The following MEGF6 variants were observed in gnomAD, a reference collection of about 807,000 sequenced individuals.
The protein encoded by MEGF6 is multiple EGF like domains 6.
MEGF6 carries 184 observed loss-of-function variants against 207.1 expected under a neutral mutation model. That is an observed-to-expected ratio of 0.89 (90% CI 0.79 to 1.00). The LOEUF (loss-of-function observed/expected upper bound fraction) is 1.00, where lower values mean the gene tolerates loss of function less well. Ranked by LOEUF, MEGF6 falls within the 50% of genes least tolerant of loss-of-function variation. MEGF6 has a pLI of 0.00. For missense variants in MEGF6, 2,282 were observed against 2,202.9 expected (o/e 1.04, Z -0.72); for synonymous variants, 1,038 against 910.0 (o/e 1.14, Z -2.53).
At chr1:3,519,734 ACGGCCTGCCAG>A (rs1641674754) in intron 5 of MEGF6, among the ~76,000 whole-genome samples, 2 of 152,332 alleles carry the variant, frequency 1.3e-5, no homozygotes, top group Non-Finnish European at 2.9e-5. Flanking sequence ...GCACAAGCCA[ACGGCCTGCCAG>A]CAGCCTCCCC....
chr1:3,585,593 C>CAT (rs1230229452), intron 3 of MEGF6, among the ~76,000 whole-genome samples: 3 of 92,820 alleles, frequency 3.2e-5, no homozygotes, highest in African/African-American at 4.6e-5. Context: ...TGTGTGGACA[C>CAT]GTCCTGTGTG....
chr1:3,524,257 A>T lies in MEGF6; in HGVS notation c.482-11T>A. ...GGCATTCGTCCACATCTGAGCAGGAATGGGGAAGGATCAGCAGCTGGGCAC... is the reference window on the plus strand; with the variant it reads ...GGCATTCGTCCACATCTGAGCAGGATTGGGGAAGGATCAGCAGCTGGGCAC... On this transcript the variant is annotated splice_polypyrimidine_tract_variant and intron_variant, in intron 4 of 36. Transcript: ENST00000356575. 6.2e-7 allele frequency: 1 copy of T among 1,604,948 alleles called. No homozygotes were observed. The highest frequency in any genetic ancestry group is 8.5e-7 in the Non-Finnish European group (1 of 1,173,350).
chr1:3,488,141 A>G lies in MEGF6; in HGVS notation c.*2387T>C, dbSNP rs902977841. On this transcript the variant is annotated 3_prime_UTR_variant, in exon 37 of 37. Transcript: ENST00000356575. ...CCTCCTTCTTGCTGCTTGAAACTATATAATATATGGTCAGGAGTTTGTTTT... is the reference window on the plus strand; with the variant it reads ...CCTCCTTCTTGCTGCTTGAAACTATGTAATATATGGTCAGGAGTTTGTTTT... 1.2e-4 allele frequency among the ~76,000 whole-genome samples: 18 copies of G among 152,160 alleles called. No homozygotes were observed. Among genetic ancestry groups the G allele is most frequent in the African/African-American group, 4.3e-4 (18 of 41,410 alleles).
At chr1:3,553,384 G>A (rs72853567) in intron 4 of MEGF6, among the ~76,000 whole-genome samples, 15,080 of 152,046 alleles carry the variant, frequency 0.099, 1,444 homozygotes, top group African/African-American at 0.24. Flanking sequence ...GAACAGGCGG[G>A]ACGGGGACAC....
At chr1:3,514,206 C>A (rs973584777) in intron 7 of MEGF6, among the ~76,000 whole-genome samples, 13 of 151,732 alleles carry the variant, frequency 8.6e-5, no homozygotes, top group Non-Finnish European at 1.8e-4. Context: ...TGAGATCACG[C>A]CACTGCACTC....
intron 4 of MEGF6, among the ~76,000 whole-genome samples, chr1:3,543,880 G>A (rs1642611954): frequency 6.6e-6 from 1 of 152,218 alleles, no homozygotes; most frequent in South Asian, 2.1e-4. Flanking sequence ...CATTCCAGAG[G>A]CACACCACCT....
In MEGF6 at chr1:3,511,012, C is replaced by T. The variant is rs1167171345; in HGVS notation, c.1115-110G>A. The T allele has an allele frequency of 6.9e-6, 10 of 1,440,834 alleles. No homozygotes were observed. The African/African-American group carries it at 1.3e-4, about 18-fold the overall frequency. The allele number at this position is 1,440,834 out of a possible 1,614,324, so 89.3% of individuals were successfully genotyped here. On this transcript the variant is annotated intron_variant, in intron 9 of 36. Transcript: ENST00000356575. ...CACACAACCCACGCGCCCGACTGCA[C>T]CTGCAGCTGCCCACAGCCTCACGTG...
chr1:3,500,885 C>G (rs957135624), intron 20 of MEGF6, 81 bp downstream of exon 20: 29 of 1,601,788 alleles, frequency 1.8e-5, no homozygotes, highest in Non-Finnish European at 2.5e-5. Flanking sequence ...CCCTAGTCCT[C>G]GGGGGCCCTG....
chr1:3,504,071 G>A lies in MEGF6; in HGVS notation c.2188+1137C>T, dbSNP rs572605779. 9.2e-5 allele frequency among the ~76,000 whole-genome samples: 14 copies of A among 152,230 alleles called. No homozygotes were observed. The East Asian group carries it at 2.7e-3, about 30-fold the overall frequency. On this transcript the variant is annotated intron_variant, in intron 17 of 36. Coordinates refer to ENST00000356575, the MANE Select transcript of MEGF6 (RefSeq NM_001409.4). ...GTGGGGAGGGGAAGGGCCCATGCTG[G>A]GGGGGCTTGAGTCCAGAGAGCCCCC...
chr1:3,566,644 G>A (rs530735534), intron 4 of MEGF6, among the ~76,000 whole-genome samples: 137 of 152,250 alleles, frequency 9.0e-4, no homozygotes, highest in African/African-American at 2.9e-3. Context: ...TTCCCCCAAC[G>A]CACTTCACGC....
upstream of MEGF6, among the ~76,000 whole-genome samples, chr1:3,612,819 C>G (rs1050250381): frequency 6.6e-6 from 1 of 152,188 alleles, no homozygotes; most frequent in Non-Finnish European, 1.5e-5. Context: ...CACACACAGG[C>G]TGTCTGTGCC....
chr1:3,489,565 C>A lies in MEGF6; in HGVS notation c.*963G>T, dbSNP rs1172114086. On this transcript the variant is annotated 3_prime_UTR_variant, in exon 37 of 37. Transcript: ENST00000356575. Reference sequence around the variant, plus strand: ...GTCCTCACCCAGGGAGTCCCTGCCCCTGCGATGCTGCCCTCCCCCCACTGC... The same window carrying A: ...GTCCTCACCCAGGGAGTCCCTGCCCATGCGATGCTGCCCTCCCCCCACTGC... Among the ~76,000 whole-genome samples the A allele has an allele frequency of 2.0e-5, 3 of 152,182 alleles. No homozygotes were observed. In the East Asian group the frequency reaches 5.8e-4, roughly 29 times the overall value.
intron 4 of MEGF6, among the ~76,000 whole-genome samples, chr1:3,533,679 G>A (rs1421378105): frequency 6.6e-6 from 1 of 152,156 alleles, no homozygotes; most frequent in Admixed American, 6.5e-5. Flanking sequence ...GCCACCCTGC[G>A]AGCGAGCTCT....
intron 17 of MEGF6, 100 bp from the exon 18 acceptor site, chr1:3,502,021 CACATGGG>C: frequency 6.6e-7 from 1 of 1,520,198 alleles, no homozygotes; most frequent in Non-Finnish European, 8.8e-7. Flanking sequence ...CCCTGTGCCT[CACATGGG>C]CTCCTGGCGA....
chr1:3,589,798 T>C (rs554000094), intron 3 of MEGF6, among the ~76,000 whole-genome samples: 8 of 152,244 alleles, frequency 5.3e-5, no homozygotes, highest in Non-Finnish European at 1.0e-4. Flanking sequence ...TCTCTGTGAC[T>C]TTGTGGCTTC....
chr1:3,595,286 G>A, intron 3 of MEGF6, 52 bp downstream of exon 3: 3 of 1,329,540 alleles, frequency 2.3e-6, no homozygotes, highest in Non-Finnish European at 2.2e-6. Context: ...GCTCTGCTGA[G>A]TCCTCTGGGG....
chr1:3,510,793 G>C lies in MEGF6; in HGVS notation c.1224C>G (p.Cys408Trp), dbSNP rs201723836. The change falls in exon 10 of 37, where the codon TGC becomes TGG. Residue 408 changes from cysteine to tryptophan, a missense_variant. Transcript: ENST00000356575. The stretch of plus-strand genomic sequence containing the variant: ...CAGGGCAGTGCTCACCCTCACAGCC[G>C]CAGCCATCGGCACTGAGCCGGTAGC... ...YAGYRLSADG[C>W]GCEDVDECAS... The C allele has an allele frequency of 8.1e-6, 13 of 1,603,492 alleles. No homozygotes were observed. The highest frequency in any genetic ancestry group is 1.1e-5 in the Non-Finnish European group (13 of 1,173,280).
At chr1:3,524,084 G>A (rs757781192) in intron 5 of MEGF6, 40 bp downstream of exon 5, 300 of 1,596,706 alleles carry the variant, frequency 1.9e-4, no homozygotes, top group Non-Finnish European at 2.4e-4. Flanking sequence ...AGGGATGGCT[G>A]AAGCCAGGAG....
intron 4 of MEGF6, among the ~76,000 whole-genome samples, chr1:3,528,587 C>A (rs1165100786): frequency 6.6e-6 from 1 of 152,120 alleles, no homozygotes. Flanking sequence ...TCCAGGTGGG[C>A]CCAACATGAT....
Sources: allele counts gnomAD v4.1 joint callset (sites outside exome capture counted in the v4.1 genomes callset), GRCh38; gene constraint gnomAD v4.1.1; transcripts MANE v1.5; gene names NCBI Gene and HGNC (gene_info 2026-07-23, HGNC 2026-07-21).